MIS18BP1: variants seen among roughly 807,000 people sequenced by gnomAD.
MIS18BP1 encodes MIS18 binding protein 1.
A neutral mutation model predicts 116.1 loss-of-function variants in MIS18BP1; 72 were observed. The observed-to-expected ratio is 0.62, with a 90% CI of 0.51 to 0.75. The LOEUF (loss-of-function observed/expected upper bound fraction) is 0.75. Among genes scored for constraint, MIS18BP1 ranks in the 30% least tolerant of loss-of-function variants. The pLI is 0.00. For synonymous variants in MIS18BP1, 386 were observed against 427.0 expected (o/e 0.90, Z 1.18); for missense variants, 1,363 against 1,303.2 (o/e 1.05, Z -0.71).
intron 6 of MIS18BP1, among the ~76,000 whole-genome samples, chr14:45,235,045 C>T (rs1302366091): frequency 3.9e-5 from 6 of 151,982 alleles, no homozygotes; most frequent in Admixed American, 3.9e-4. Context: ...TGGTGACACC[C>T]TGTCTCAAAA....
At chr14:45,252,121 T>C (rs1024171807) in intron 1 of MIS18BP1, among the ~76,000 whole-genome samples, 6 of 152,070 alleles carry the variant, frequency 3.9e-5, no homozygotes, top group Non-Finnish European at 8.8e-5. Flanking sequence ...TGACAATAAG[T>C]GAGAAAGAGG....
chr14:45,203,535 T>C lies in MIS18BP1; in HGVS notation c.*574A>G, dbSNP rs1890422564. The C allele has an allele frequency of 6.6e-6, 1 of 152,168 alleles. No homozygotes were observed. The highest frequency in any genetic ancestry group is 6.5e-5 in the Admixed American group (1 of 15,270). The allele number at this position is 152,168 out of a possible 1,614,324, so 9.4% of individuals were successfully genotyped here. A position where few individuals can be genotyped will look rare whatever the true frequency, so the allele number is the denominator to read the frequency against. Reference sequence around the variant, plus strand: ...ATAAACTAAATTTACAAAGGTTTCATAGATATGCCTATCACAAGTTTAAAA... The same window carrying C: ...ATAAACTAAATTTACAAAGGTTTCACAGATATGCCTATCACAAGTTTAAAA... On this transcript the variant is annotated 3_prime_UTR_variant, in exon 17 of 17. Transcript: ENST00000310806.
At chr14:45,212,183 G>A (rs1890692155) in intron 13 of MIS18BP1, among the ~76,000 whole-genome samples, 1 of 152,188 alleles carries the variant, frequency 6.6e-6, no homozygotes, top group African/African-American at 2.4e-5. Context: ...TTTGGAGGCA[G>A]TGCACCATTT....
Position 45,235,732 on chromosome 14 carries a change from TA to T in MIS18BP1, c.1348+81del, listed in dbSNP as rs1289830021. The T allele has an allele frequency of 5.8e-6, 7 of 1,209,040 alleles. No individual in the cohort carries two copies. In the South Asian group the frequency reaches 1.1e-4, roughly 18 times the overall value. The allele number at this position is 1,209,040 out of a possible 1,614,324, so 74.9% of individuals were successfully genotyped here. On this transcript the variant is annotated intron_variant, in intron 6 of 16. Coordinates refer to ENST00000310806, the MANE Select transcript of MIS18BP1 (RefSeq NM_018353.5). ...AATTTAAAAATACCTAATTAAAAGT[TA>T]AAAAAATGTGTATTACTGTGAGAAA...
At chr14:45,240,034 G>C (rs1463768319) in intron 4 of MIS18BP1, among the ~76,000 whole-genome samples, 1 of 152,160 alleles carries the variant, frequency 6.6e-6, no homozygotes, top group East Asian at 1.9e-4. Context: ...ATGCCTATCT[G>C]ATATCAATAG....
Position 45,224,516 on chromosome 14 carries a change from G to T in MIS18BP1, c.2071C>A (p.Pro691Thr). ...FVIPECQKKS[P>T]ISKSMGTLEN... ...AAAGTCCCCATGGACTTGCTGATGG[G>T]ACTTTTTTTTTGACACTCTGGTATT... Residue 691 changes from proline (P) to threonine (T), a missense_variant, in exon 11 of 17, where the codon CCC becomes ACC. Pro to Thr is a conservative substitution (Grantham distance 38). Transcript: ENST00000310806. 2 of 1,611,514 alleles carry T rather than the reference G, an allele frequency of 1.2e-6. No homozygotes were observed. Among genetic ancestry groups the T allele is most frequent in the Non-Finnish European group, 1.7e-6 (2 of 1,179,344 alleles).
chr14:45,211,370 A>T (rs1890668252), intron 13 of MIS18BP1, among the ~76,000 whole-genome samples: 1 of 152,196 alleles, frequency 6.6e-6, no homozygotes, highest in Non-Finnish European at 1.5e-5. Flanking sequence ...AACCTGGTTG[A>T]GCCCAGGATG....
intron 13 of MIS18BP1, among the ~76,000 whole-genome samples, chr14:45,215,272 G>A (rs954384719): frequency 2.0e-5 from 3 of 152,130 alleles, no homozygotes; most frequent in African/African-American, 7.2e-5. Flanking sequence ...ATAAAGCATT[G>A]TGTAGCCTTT....
chr14:45,214,537 G>C (rs1169627377), intron 13 of MIS18BP1, among the ~76,000 whole-genome samples: 1 of 152,016 alleles, frequency 6.6e-6, no homozygotes, highest in Non-Finnish European at 1.5e-5. Context: ...GCGCCGCCCG[G>C]GGCCTCAGCA....
At chr14:45,221,717 T>A (rs959992438) in intron 11 of MIS18BP1, among the ~76,000 whole-genome samples, 4 of 152,220 alleles carry the variant, frequency 2.6e-5, no homozygotes, top group African/African-American at 9.6e-5. Flanking sequence ...ATTCTTTTTC[T>A]TATTATTGGG....
At position 45,235,894 on chromosome 14, in the gene MIS18BP1, T is replaced by C. The variant is rs948017369; in HGVS notation, c.1268A>G (p.Glu423Gly). The change falls in exon 6 of 17, where the codon GAG becomes GGG. Residue 423 changes from glutamate to glycine, a missense_variant. Glu to Gly is a moderately conservative substitution (Grantham distance 98). Transcript: ENST00000310806. ...WHSNVIIERI[E>G]HNKLRTISGN... ...TGATATAGTCCTAAGTTTGTTGTGC[T>C]CAATCCGCTCTATAATTACATTACT... 5.6e-6 allele frequency: 9 copies of C among 1,611,932 alleles called. No individual in the cohort carries two copies. Among genetic ancestry groups the C allele is most frequent in the Non-Finnish European group, 6.8e-6 (8 of 1,178,720 alleles).
At chr14:45,224,814 A>C in intron 10 of MIS18BP1, 68 bp from the exon 11 acceptor site, 1 of 1,124,868 alleles carries the variant, frequency 8.9e-7, no homozygotes, top group Non-Finnish European at 1.3e-6. Flanking sequence ...ATAAGCACAG[A>C]AAATATATTT....
At chr14:45,207,790 A>G (rs1214920566) in intron 14 of MIS18BP1, among the ~76,000 whole-genome samples, 2 of 152,210 alleles carry the variant, frequency 1.3e-5, no homozygotes, top group Admixed American at 6.5e-5. Flanking sequence ...CTGTTATGAA[A>G]AGTACGTCAA....
chr14:45,209,441 C>T (rs1486330388), intron 14 of MIS18BP1, among the ~76,000 whole-genome samples: 1 of 152,096 alleles, frequency 6.6e-6, no homozygotes, highest in Admixed American at 6.5e-5. Context: ...AATCCTTCTA[C>T]ATCAGCCTCC....
At chr14:45,210,341 GA>G in intron 14 of MIS18BP1, 38 bp downstream of exon 14, 1 of 1,594,022 alleles carries the variant, frequency 6.3e-7, no homozygotes, top group Non-Finnish European at 8.6e-7. Flanking sequence ...TCACTACTCT[GA>G]TGCAGAGAAT....
At position 45,247,364 on chromosome 14, in the gene MIS18BP1, G is replaced by A; in HGVS notation, c.-78C>T. Reference sequence around the variant, plus strand: ...CAATTTTCAGATAGAACTTCAGAAGGGATCCACAGAAACCTGTAGTTCAAC... The same window carrying A: ...CAATTTTCAGATAGAACTTCAGAAGAGATCCACAGAAACCTGTAGTTCAAC... On this transcript the variant is annotated 5_prime_UTR_variant, in exon 2 of 17. Coordinates refer to ENST00000310806, the MANE Select transcript of MIS18BP1 (RefSeq NM_018353.5). 2 of 1,233,454 alleles carry A rather than the reference G, an allele frequency of 1.6e-6. No individual in the cohort carries two copies. Among genetic ancestry groups the A allele is most frequent in the Non-Finnish European group, 2.2e-6 (2 of 902,094 alleles). 76.4% of individuals were successfully genotyped at this position (1,233,454 alleles called of 1,614,324 possible). A position where few individuals can be genotyped will look rare whatever the true frequency, so the allele number is the denominator to read the frequency against.
chr14:45,210,425 G>A lies in MIS18BP1; in HGVS notation c.3107C>T (p.Pro1036Leu). The A allele has an allele frequency of 6.2e-7, 1 of 1,613,892 alleles. No homozygotes were observed. The highest frequency in any genetic ancestry group is 8.5e-7 in the Non-Finnish European group (1 of 1,179,928). ...GCCAGGACTGACATGCTGACATTGA[G>A]GAGTTTTTACCAATGGAAAGATAAC... Reference protein sequence around the residue: ...SSVIFPLVKTPQCQHVSPGML... With the variant: ...SSVIFPLVKTLQCQHVSPGML... Residue 1036 changes from proline to leucine, a missense_variant, in exon 14 of 17, where the codon CCT becomes CTT. Transcript: ENST00000310806.
chr14:45,215,278 C>A (rs975408579), intron 13 of MIS18BP1, among the ~76,000 whole-genome samples: 1 of 152,034 alleles, frequency 6.6e-6, no homozygotes, highest in Non-Finnish European at 1.5e-5. Context: ...CATTGTGTAG[C>A]CTTTTTAAAT....
intron 8 of MIS18BP1, among the ~76,000 whole-genome samples, chr14:45,228,450 T>C (rs1594514648): frequency 6.6e-6 from 1 of 152,206 alleles, no homozygotes. Flanking sequence ...ATCAACTAAA[T>C]AGAAAGCTAA....
Sources: allele counts gnomAD v4.1 joint callset (sites outside exome capture counted in the v4.1 genomes callset), GRCh38; gene constraint gnomAD v4.1.1; transcripts MANE v1.5; gene names NCBI Gene and HGNC (gene_info 2026-07-23, HGNC 2026-07-21).